The following SOBP variants were observed in gnomAD, a reference collection of about 807,000 sequenced individuals.
The protein encoded by SOBP is sine oculis-binding protein homolog.
In SOBP, 4 loss-of-function variants were observed where a neutral mutation model predicts 53.6. The observed-to-expected ratio is 0.07, with a 90% CI of 0.04 to 0.17. SOBP has a LOEUF of 0.17. Ranked by LOEUF, SOBP falls within the 10% of genes least tolerant of loss-of-function variation. The pLI is 1.00. For synonymous variants in SOBP, 584 were observed against 522.6 expected, an observed-to-expected ratio of 1.12 and a Z score of -1.60; for missense variants, 1,088 against 1,204.7, an observed-to-expected ratio of 0.90 and a Z score of 1.43.
chr6:107,525,613 T>G (rs2114977143), intron 3 of SOBP, among the ~76,000 whole-genome samples: 1 of 152,356 alleles, frequency 6.6e-6, no homozygotes, highest in East Asian at 1.9e-4. Context: ...TTCAGTGATT[T>G]CTGGATTCGC....
chr6:107,554,333 G>A (rs905998304), intron 4 of SOBP, among the ~76,000 whole-genome samples: 1 of 152,222 alleles, frequency 6.6e-6, no homozygotes, highest in African/African-American at 2.4e-5. Flanking sequence ...AACTGGTGAT[G>A]TTAAGGAGAG....
intron 5 of SOBP, among the ~76,000 whole-genome samples, chr6:107,617,771 A>T (rs1294801844): frequency 1.3e-5 from 2 of 150,864 alleles, no homozygotes; most frequent in African/African-American, 4.9e-5. Flanking sequence ...GCTCTCTCTT[A>T]AAGTGCCTGG....
intron 3 of SOBP, among the ~76,000 whole-genome samples, chr6:107,518,471 T>C (rs1783385624): frequency 1.3e-5 from 2 of 152,230 alleles, no homozygotes; most frequent in South Asian, 4.1e-4. Context: ...ATGCAATAAT[T>C]TATACAATTA....
At chr6:107,586,011 G>A (rs1785554923) in intron 4 of SOBP, among the ~76,000 whole-genome samples, 1 of 152,164 alleles carries the variant, frequency 6.6e-6, no homozygotes, top group Non-Finnish European at 1.5e-5. Flanking sequence ...CTTGGTGCCA[G>A]ACATACATTT....
intron 4 of SOBP, among the ~76,000 whole-genome samples, chr6:107,545,712 C>A (rs1351665833): frequency 6.6e-6 from 1 of 151,936 alleles, no homozygotes; most frequent in Non-Finnish European, 1.5e-5. Flanking sequence ...ACACCTTTAC[C>A]TGCCTCAGGT....
At chr6:107,494,977 G>A (rs1445751965) in intron 1 of SOBP, among the ~76,000 whole-genome samples, 1 of 152,186 alleles carries the variant, frequency 6.6e-6, no homozygotes, top group Non-Finnish European at 1.5e-5. Flanking sequence ...AGAAATCAGA[G>A]CATGGACTGG....
intron 1 of SOBP, among the ~76,000 whole-genome samples, chr6:107,499,460 A>G (rs1308109099): frequency 6.6e-6 from 1 of 152,230 alleles, no homozygotes; most frequent in Non-Finnish European, 1.5e-5. Context: ...CTATTTTCCA[A>G]ACCCAAATTG....
intron 6 of SOBP, among the ~76,000 whole-genome samples, chr6:107,652,433 C>CA (rs1312075176): frequency 6.6e-6 from 1 of 152,212 alleles, no homozygotes; most frequent in African/African-American, 2.4e-5. Flanking sequence ...GCTGCAATCT[C>CA]ACGATCAAAC....
rs1177320374 is a variant in SOBP, at chr6:107,659,342, A to G, written c.*1139A>G. Reference sequence around the variant, plus strand: ...TCGATCCTCAATCAGTGGGTGGAGGATAACAGGGTAGATTCACTTGTGTGC... The same window carrying G: ...TCGATCCTCAATCAGTGGGTGGAGGGTAACAGGGTAGATTCACTTGTGTGC... On this transcript the variant is annotated 3_prime_UTR_variant, in exon 7 of 7. Transcript: ENST00000317357. 1 of 152,594 alleles carries G rather than the reference A, an allele frequency of 6.6e-6. No individual in the cohort carries two copies. The highest frequency in any genetic ancestry group is 6.5e-5 in the Admixed American group (1 of 15,274). The allele number at this position is 152,594 out of a possible 1,614,324, so 9.5% of individuals were successfully genotyped here. A position where few individuals can be genotyped will look rare whatever the true frequency, so the allele number is the denominator to read the frequency against.
At chr6:107,628,191 G>A (rs1279916235) in intron 5 of SOBP, among the ~76,000 whole-genome samples, 2 of 152,308 alleles carry the variant, frequency 1.3e-5, no homozygotes, top group South Asian at 2.1e-4. Flanking sequence ...CAGCCATGTC[G>A]CTTTATCAAG....
In SOBP at chr6:107,581,911, T is replaced by C. The variant is rs1785415191; in HGVS notation, c.574-5169T>C. 2.0e-5 allele frequency among the ~76,000 whole-genome samples: 3 copies of C among 152,218 alleles called. No individual in the cohort carries two copies. In the South Asian group the frequency reaches 6.2e-4, roughly 32 times the overall value. On this transcript the variant is annotated intron_variant, in intron 4 of 6. Transcript: ENST00000317357. Reference sequence around the variant, plus strand: ...TTAAGTCCGGTAAAAATGCCACATGTGTGAGCTGACATGTGCTGCCTCTGC... The same window carrying C: ...TTAAGTCCGGTAAAAATGCCACATGCGTGAGCTGACATGTGCTGCCTCTGC...
intron 6 of SOBP, among the ~76,000 whole-genome samples, chr6:107,646,025 T>G (rs1460619844): frequency 6.6e-6 from 1 of 152,212 alleles, no homozygotes. Context: ...GCAACGTCAC[T>G]GTGGCCTCAA....
chr6:107,515,542 A>C (rs149048795), intron 3 of SOBP, among the ~76,000 whole-genome samples: 28 of 152,292 alleles, frequency 1.8e-4, no homozygotes, highest in African/African-American at 6.0e-4. Context: ...TGAGCTCAGG[A>C]GTTTGAGACC....
At chr6:107,566,729 C>T (rs1441592144) in intron 4 of SOBP, among the ~76,000 whole-genome samples, 1 of 152,214 alleles carries the variant, frequency 6.6e-6, no homozygotes, top group Non-Finnish European at 1.5e-5. Context: ...ATTGTGTCCT[C>T]TCAGTTCAGC....
chr6:107,548,592 A>G (rs1784374744), intron 4 of SOBP, among the ~76,000 whole-genome samples: 1 of 152,196 alleles, frequency 6.6e-6, no homozygotes, highest in South Asian at 2.1e-4. Context: ...TTTAATAAGT[A>G]GAAAAGAATA....
At chr6:107,517,978 A>G (rs890149851) in intron 3 of SOBP, among the ~76,000 whole-genome samples, 4 of 152,184 alleles carry the variant, frequency 2.6e-5, no homozygotes, top group Admixed American at 6.5e-5. Flanking sequence ...CCATAGTGCA[A>G]TATATCAATA....
At chr6:107,632,364 G>T (rs1770754157) in intron 5 of SOBP, among the ~76,000 whole-genome samples, 1 of 151,934 alleles carries the variant, frequency 6.6e-6, no homozygotes, top group Non-Finnish European at 1.5e-5. Flanking sequence ...AAGATTGTGT[G>T]TGTAAAACTC....
intron 1 of SOBP, 88 bp downstream of exon 1, chr6:107,490,800 G>C: frequency 9.8e-7 from 1 of 1,015,618 alleles, no homozygotes; most frequent in Admixed American, 2.0e-5. Flanking sequence ...GGGGGTACCG[G>C]GGCGCGCTTG....
intron 1 of SOBP, among the ~76,000 whole-genome samples, chr6:107,497,584 C>T (rs1316731677): frequency 6.6e-6 from 1 of 151,526 alleles, no homozygotes; most frequent in Non-Finnish European, 1.5e-5. Context: ...CTTTTCATGC[C>T]CTTTCTCTAT....
Sources: allele counts gnomAD v4.1 joint callset (sites outside exome capture counted in the v4.1 genomes callset), GRCh38; gene constraint gnomAD v4.1.1; transcripts MANE v1.5; gene names NCBI Gene and HGNC (gene_info 2026-07-23, HGNC 2026-07-21).